The following LPA variants were observed in gnomAD, a reference collection of about 807,000 sequenced individuals.
The protein encoded by LPA is lipoprotein(a), also known as apolipoprotein(a).
LPA carries 199 observed loss-of-function variants against 197.9 expected under a neutral mutation model. That is an observed-to-expected ratio of 1.01 (90% CI 0.90 to 1.13). The LOEUF is 1.13. Ranked by LOEUF, LPA falls within the 50% of genes most tolerant of loss-of-function variation. LPA has a pLI of 0.00. For missense variants in LPA, 1,853 were observed against 1,785.8 expected, an observed-to-expected ratio of 1.04 and a Z score of -0.68; for synonymous variants, 715 against 639.5, an observed-to-expected ratio of 1.12 and a Z score of -1.78.
rs545165124 is a variant in LPA at position 160,532,495 on chromosome 6, A to T, written c.5961+36T>A. The T allele has an allele frequency of 4.0e-6, 6 of 1,484,360 alleles. No homozygotes were observed. The East Asian group carries it at 1.4e-4, about 34-fold the overall frequency. 91.9% of individuals were successfully genotyped at this position (1,484,360 alleles called of 1,614,324 possible). A position where few individuals can be genotyped will look rare whatever the true frequency, so the allele number is the denominator to read the frequency against. ...TCTAAGGGACTGAGACTGAGACGGG[A>T]GAGCACAAGACTTTGATCTATTGAT... On this transcript the variant is annotated intron_variant, in intron 38 of 38. Coordinates refer to ENST00000316300, the MANE Select transcript of LPA (RefSeq NM_005577.4).
intron 26 of LPA, among the ~76,000 whole-genome samples, chr6:160,580,758 T>A (rs1350248087): frequency 6.6e-6 from 1 of 152,232 alleles, no homozygotes; most frequent in Admixed American, 6.5e-5. Flanking sequence ...GATTAGGTTG[T>A]TTGTCCTCTG....
At chr6:160,583,475 G>A (rs1246705852) in intron 26 of LPA, among the ~76,000 whole-genome samples, 1 of 152,100 alleles carries the variant, frequency 6.6e-6, no homozygotes, top group Non-Finnish European at 1.5e-5. Flanking sequence ...TTTGCTGAAT[G>A]CCCAAGATGT....
In LPA at chr6:160,595,464, C is replaced by G; in HGVS notation, c.3359G>C (p.Ser1120Thr). ...IRPWCYTMDP[S>T]VRWEYCNLTQ... ...CAGGTTGCAGTACTCCCACCTGACA[C>G]TGGGATCCATGGTGTAACACCAAGG... The change falls in exon 21 of 39, where the codon AGT (serine) becomes ACT (threonine). Residue 1120 changes from serine to threonine, a missense_variant. This residue lies in a region of LPA where 1,737 missense variants were observed against 1,504.4 expected (regional missense o/e 1.15). Coordinates refer to ENST00000316300, the MANE Select transcript of LPA (RefSeq NM_005577.4). 6.2e-7 allele frequency: 1 copy of G among 1,613,948 alleles called. No individual in the cohort carries two copies. Among genetic ancestry groups the G allele is most frequent in the East Asian group, 2.2e-5 (1 of 44,830 alleles).
intron 25 of LPA, among the ~76,000 whole-genome samples, chr6:160,586,051 C>T (rs766701306): frequency 3.9e-5 from 6 of 152,088 alleles, no homozygotes; most frequent in Admixed American, 1.3e-4. Flanking sequence ...AATGGCATTC[C>T]TTCAAAATGG....
chr6:160,601,479 C>T (rs1779241768), intron 18 of LPA, among the ~76,000 whole-genome samples: 1 of 152,144 alleles, frequency 6.6e-6, no homozygotes, highest in Non-Finnish European at 1.5e-5. Context: ...ACAAAAGTAT[C>T]TCTATCTGTC....
intron 1 of LPA, among the ~76,000 whole-genome samples, chr6:160,663,956 T>A (rs1562358617): frequency 6.6e-6 from 1 of 152,204 alleles, no homozygotes; most frequent in African/African-American, 2.4e-5. Context: ...ACCATTATTT[T>A]TTCTGCCCAT....
chr6:160,577,221 T>C lies in LPA; in HGVS notation c.4546A>G (p.Thr1516Ala). 6.2e-7 allele frequency: 1 copy of C among 1,613,910 alleles called. No individual in the cohort carries two copies. Among genetic ancestry groups the C allele is most frequent in the Non-Finnish European group, 8.5e-7 (1 of 1,179,856 alleles). The change falls in exon 28 of 39, where the codon ACC becomes GCC. Residue 1516 changes from threonine to alanine, a missense_variant. This residue lies in a region of LPA where 1,737 missense variants were observed against 1,504.4 expected (regional missense o/e 1.15). Transcript: ENST00000316300. The stretch of plus-strand genomic sequence containing the variant: ...TGACAGGTCCTTCCTGTGACAGTGG[T>C]GGAGGATATGCCTCGATAACTCCGT... ...DGRSYRGISS[T>A]TVTGRTCQSW...
intron 24 of LPA, among the ~76,000 whole-genome samples, chr6:160,587,351 T>C: frequency 6.6e-6 from 1 of 152,186 alleles, no homozygotes; most frequent in East Asian, 1.9e-4. Context: ...ATGTCATTGG[T>C]TTGGACTATT....
chr6:160,585,359 G>T (rs754842093), intron 25 of LPA, among the ~76,000 whole-genome samples, 154 bp from the exon 26 acceptor site: 2 of 152,056 alleles, frequency 1.3e-5, no homozygotes, highest in Non-Finnish European at 2.9e-5. Flanking sequence ...AATACAAATA[G>T]ACTTATAGGA....
At chr6:160,587,222 C>T (rs951564136) in intron 24 of LPA, among the ~76,000 whole-genome samples, 2 of 152,166 alleles carry the variant, frequency 1.3e-5, no homozygotes, top group African/African-American at 4.8e-5. Flanking sequence ...TGGATATGCT[C>T]CCTCCTTGGT....
intron 32 of LPA, among the ~76,000 whole-genome samples, chr6:160,547,498 C>T (rs1328100639): frequency 1.3e-5 from 2 of 152,114 alleles, no homozygotes; most frequent in African/African-American, 4.8e-5. Context: ...TTACCAGTTC[C>T]AGTACCAGTA....
chr6:160,605,325 C>T, intron 17 of LPA, 120 bp from the exon 18 acceptor site: 2 of 1,185,688 alleles, frequency 1.7e-6, no homozygotes, highest in Non-Finnish European at 2.5e-6. Context: ...GAGAATATGA[C>T]AAGTAACATT....
rs1312811380 is a variant in LPA, at chr6:160,531,827, A to C, written c.6025T>G (p.Ser2009Ala). 6.2e-7 allele frequency: 1 copy of C among 1,614,046 alleles called. No homozygotes were observed. The highest frequency in any genetic ancestry group is 8.5e-7 in the Non-Finnish European group (1 of 1,180,018). ...GGGCGTGCACAGCCAAGACCCCAAG[A>C]AGTGACTCCTTGTAAAATGTATTTG... ...KDKYILQGVT[S>A]WGLGCARPNK... Residue 2009 changes from serine (S) to alanine (A), a missense_variant, in exon 39 of 39, where the codon TCT (serine) becomes GCT (alanine). Transcript: ENST00000316300.
At chr6:160,577,365 T>A (rs899778858) in intron 27 of LPA, 70 bp from the exon 28 acceptor site, 1 of 1,429,828 alleles carries the variant, frequency 7.0e-7, no homozygotes, top group African/African-American at 1.4e-5. Flanking sequence ...ACAATTTATG[T>A]CACATACTGG....
At position 160,578,502 on chromosome 6, in the gene LPA, G is replaced by C. The variant is rs762183494; in HGVS notation, c.4471+21C>G. ...TGGTTTTTCATCCCAGTATATAGAT[G>C]TCTAACCACAAATTTCTTACCTTGT... On this transcript the variant is annotated intron_variant, in intron 27 of 38. Transcript: ENST00000316300. 2.5e-6 allele frequency: 4 copies of C among 1,613,452 alleles called. No individual in the cohort carries two copies. The African/African-American group carries it at 5.3e-5, about 22-fold the overall frequency.
intron 21 of LPA, 132 bp downstream of exon 21, chr6:160,595,222 C>T (rs941488831): frequency 1.8e-6 from 2 of 1,133,878 alleles, no homozygotes; most frequent in Non-Finnish European, 2.6e-6. Flanking sequence ...GTGTTCCTTC[C>T]CAGTGGCTGA....
chr6:160,648,478 T>G (rs913187728), intron 2 of LPA, among the ~76,000 whole-genome samples: 6 of 152,168 alleles, frequency 3.9e-5, no homozygotes, highest in Admixed American at 3.3e-4. Flanking sequence ...GTGACTTGCT[T>G]CCCACATGTA....
chr6:160,601,321 G>A (rs1779238781), intron 18 of LPA, among the ~76,000 whole-genome samples: 1 of 151,964 alleles, frequency 6.6e-6, no homozygotes, highest in Non-Finnish European at 1.5e-5. Flanking sequence ...ATCTAATGCA[G>A]CACACACTTC....
At chr6:160,661,908 G>A (rs1046180402) in intron 1 of LPA, among the ~76,000 whole-genome samples, 1 of 152,260 alleles carries the variant, frequency 6.6e-6, no homozygotes, top group Non-Finnish European at 1.5e-5. Flanking sequence ...TTTGAAGAGT[G>A]TTTTTGAAAT....
Sources: gnomAD v4.1 joint callset for allele counts (sites outside exome capture counted in the v4.1 genomes callset) on GRCh38, gnomAD v4.1.1 for gene constraint, gnomAD v4.1.1 regional missense constraint, MANE v1.5 for transcripts, NCBI Gene and HGNC (gene_info 2026-07-23, HGNC 2026-07-21) for gene names.